Variants in AP3B1 observed in about 807,000 individuals in gnomAD.
AP3B1 encodes adaptor related protein complex 3 subunit beta 1.
In AP3B1, 61 loss-of-function variants were observed where a neutral mutation model predicts 132.5. The ratio of observed to expected loss-of-function variants is 0.46; its 90% CI spans 0.37 to 0.57. The LOEUF is 0.57. Ranked by LOEUF, AP3B1 falls within the 20% of genes least tolerant of loss-of-function variation. The probability of loss-of-function intolerance (pLI) is 0.00; values close to 1 mark genes in which losing one functional copy is unlikely to be tolerated. For missense variants in AP3B1, 1,120 were observed against 1,289.4 expected, an observed-to-expected ratio of 0.87 and a Z score of 2.01; for synonymous variants, 388 against 438.3, an observed-to-expected ratio of 0.89 and a Z score of 1.43.
intron 18 of AP3B1, among the ~76,000 whole-genome samples, chr5:78,115,854 G>C (rs1372479269): frequency 6.6e-6 from 1 of 152,178 alleles, no homozygotes; most frequent in African/African-American, 2.4e-5. Context: ...ATTAGGCATT[G>C]TGGTTTAGAA....
chr5:78,209,462 TG>T (rs1322844600), intron 7 of AP3B1, among the ~76,000 whole-genome samples: 2 of 152,204 alleles, frequency 1.3e-5, no homozygotes, highest in African/African-American at 4.8e-5. Flanking sequence ...TTCAATTAAT[TG>T]CCAATCAGAA....
rs114798115 is a variant in AP3B1 at position 78,156,719 on chromosome 5, T to C, written c.1364-352A>G. 7.4e-3 allele frequency among the ~76,000 whole-genome samples: 1,133 copies of C among 152,318 alleles called. 2 individuals are homozygous for C. Among genetic ancestry groups the C allele is most frequent in the Non-Finnish European group, 0.012 (836 of 68,030 alleles). On this transcript the variant is annotated intron_variant, in intron 13 of 26. Coordinates refer to ENST00000255194, the MANE Select transcript of AP3B1 (RefSeq NM_003664.5). ...AGAGTCCTCAAATATTGCTCTTTGA[T>C]TCCTATAAATTATATAGTGGAAATC... is the stretch of plus-strand genomic sequence containing the variant.
chr5:78,261,612 C>T (rs956954010), intron 2 of AP3B1, among the ~76,000 whole-genome samples: 4 of 152,124 alleles, frequency 2.6e-5, no homozygotes, highest in African/African-American at 7.2e-5. Flanking sequence ...ATTACAGGCG[C>T]CCGCCACCAC....
At chr5:78,275,597 T>C (rs1183803295) in intron 1 of AP3B1, among the ~76,000 whole-genome samples, 1 of 152,090 alleles carries the variant, frequency 6.6e-6, no homozygotes, top group African/African-American at 2.4e-5. Flanking sequence ...TGCCTCAGCC[T>C]CCCAAGTAGC....
At chr5:78,097,392 G>GC (rs1264912321) in intron 21 of AP3B1, among the ~76,000 whole-genome samples, 1 of 127,980 alleles carries the variant, frequency 7.8e-6, no homozygotes, top group African/African-American at 3.0e-5. Flanking sequence ...TAGGGGGTCA[G>GC]CCCCCCGCCC....
chr5:78,288,866 TTAAA>T (rs998759950), intron 1 of AP3B1, among the ~76,000 whole-genome samples: 2 of 151,408 alleles, frequency 1.3e-5, no homozygotes, highest in Non-Finnish European at 2.9e-5. Flanking sequence ...GAGATAAAGT[TTAAA>T]TGAGAAATAC....
At chr5:78,289,570 T>G (rs531547783) in intron 1 of AP3B1, among the ~76,000 whole-genome samples, 9 of 152,322 alleles carry the variant, frequency 5.9e-5, no homozygotes, top group African/African-American at 2.2e-4. Flanking sequence ...TAAAGTCACC[T>G]TTCAGTTGTT....
At chr5:78,065,084 G>A (rs1168260694) in intron 22 of AP3B1, among the ~76,000 whole-genome samples, 1 of 152,180 alleles carries the variant, frequency 6.6e-6, no homozygotes, top group Non-Finnish European at 1.5e-5. Flanking sequence ...GCCCACACAG[G>A]AGCCACATGG....
chr5:78,085,917 T>C (rs765089238), intron 22 of AP3B1, among the ~76,000 whole-genome samples: 1 of 152,194 alleles, frequency 6.6e-6, no homozygotes, highest in Non-Finnish European at 1.5e-5. Context: ...TCTTTGAGTA[T>C]ATACAAATCA....
At chr5:78,099,214 C>T (rs956495645) in intron 21 of AP3B1, among the ~76,000 whole-genome samples, 1 of 152,160 alleles carries the variant, frequency 6.6e-6, no homozygotes, top group Non-Finnish European at 1.5e-5. Flanking sequence ...GAACTACGAA[C>T]AACTAATTTC....
chr5:78,092,344 G>C (rs1328309216), intron 21 of AP3B1, among the ~76,000 whole-genome samples: 1 of 152,186 alleles, frequency 6.6e-6, no homozygotes, highest in Non-Finnish European at 1.5e-5. Flanking sequence ...TGGTATTAAA[G>C]AGATGATTAT....
intron 24 of AP3B1, among the ~76,000 whole-genome samples, chr5:78,026,051 T>G (rs575650680): frequency 6.6e-6 from 1 of 152,354 alleles, no homozygotes; most frequent in South Asian, 2.1e-4. Context: ...TTTGATTTAT[T>G]TCTCTCTCCA....
chr5:78,011,777 T>TA (rs1394496062), intron 26 of AP3B1, among the ~76,000 whole-genome samples: 1 of 152,250 alleles, frequency 6.6e-6, no homozygotes, highest in East Asian at 1.9e-4. Context: ...GCATTTAATG[T>TA]AAAAATGTAT....
At chr5:78,005,699 C>G (rs1416648122) in intron 26 of AP3B1, among the ~76,000 whole-genome samples, 2 of 152,176 alleles carry the variant, frequency 1.3e-5, no homozygotes, top group Non-Finnish European at 2.9e-5. Flanking sequence ...ACTAGAAGAT[C>G]AGATGTTCTG....
chr5:78,162,983 C>T, intron 12 of AP3B1, 32 bp from the exon 13 acceptor site: 1 of 1,604,540 alleles, frequency 6.2e-7, no homozygotes, highest in Non-Finnish European at 8.5e-7. Context: ...AGTTTACACA[C>T]TGGTATTATT....
In AP3B1 at chr5:78,294,649, G is replaced by C. The variant is rs1244639046; in HGVS notation, c.-70C>G. On this transcript the variant is annotated 5_prime_UTR_variant, in exon 1 of 27. Coordinates refer to ENST00000255194, the MANE Select transcript of AP3B1 (RefSeq NM_003664.5). ...TCTCCAAAAGGTTCCAGTCCAGAGG[G>C]CACGGAACAAAACTAGTTCTCGTAC... 1 of 1,608,398 alleles carries C rather than the reference G, an allele frequency of 6.2e-7. No homozygotes were observed. The highest frequency in any genetic ancestry group is 8.5e-7 in the Non-Finnish European group (1 of 1,178,598).
intron 25 of AP3B1, chr5:78,015,816 TCA>T: frequency 2.5e-6 from 1 of 406,354 alleles, no homozygotes; most frequent in Non-Finnish European, 4.5e-6. Context: ...AAACTTAGAA[TCA>T]CACATATGAA....
intron 17 of AP3B1, among the ~76,000 whole-genome samples, chr5:78,120,711 C>A (rs1383088297): frequency 6.6e-6 from 1 of 151,706 alleles, no homozygotes; most frequent in East Asian, 1.9e-4. Flanking sequence ...GAGTGACCTA[C>A]AAAGAGACTT....
intron 2 of AP3B1, among the ~76,000 whole-genome samples, chr5:78,242,140 G>A (rs921524652): frequency 2.0e-5 from 3 of 152,192 alleles, no homozygotes; most frequent in Non-Finnish European, 4.4e-5. Context: ...ACTGTCTGGA[G>A]TCCAAATGAT....
Sources: allele counts gnomAD v4.1 joint callset (sites outside exome capture counted in the v4.1 genomes callset), GRCh38; gene constraint gnomAD v4.1.1; transcripts MANE v1.5; gene names NCBI Gene and HGNC (gene_info 2026-07-23, HGNC 2026-07-21).